Variants in RALGAPB observed in about 807,000 individuals in gnomAD.
RALGAPB encodes the protein Ral GTPase activating protein non-catalytic subunit beta.
In RALGAPB, 25 loss-of-function variants were observed where a neutral mutation model predicts 161.1. The observed-to-expected ratio is 0.16, with a 90% CI of 0.11 to 0.22. The LOEUF is 0.22. Among genes scored for constraint, RALGAPB ranks in the 10% least tolerant of loss-of-function variants. RALGAPB has a pLI of 1.00. For missense variants in RALGAPB, 1,391 were observed against 1,815.2 expected (o/e 0.77, Z 4.25); for synonymous variants, 629 against 626.1 (o/e 1.00, Z -0.07).
chr20:38,570,185 C>G (rs1420510789), intron 27 of RALGAPB, among the ~76,000 whole-genome samples, 189 bp downstream of exon 27: 1 of 152,156 alleles, frequency 6.6e-6, no homozygotes, highest in Non-Finnish European at 1.5e-5. Context: ...TCTGTTAAAT[C>G]CTGGTACTTT....
chr20:38,574,125 G>A, intron 28 of RALGAPB, 25 bp from the exon 29 acceptor site: 1 of 1,590,026 alleles, frequency 6.3e-7, no homozygotes, highest in Non-Finnish European at 8.6e-7. Flanking sequence ...TTGGGTGTCT[G>A]AGATAACAAT....
At chr20:38,569,204 G>A (rs2088131581) in intron 26 of RALGAPB, 1 of 152,204 alleles carries the variant, frequency 6.6e-6, no homozygotes, top group Non-Finnish European at 1.5e-5. Context: ...TCTTCCCTCT[G>A]TACACATGAG....
rs763901049 is a variant in RALGAPB, at chr20:38,531,247, G to A, written c.2115+16G>A. On this transcript the variant is annotated intron_variant, in intron 14 of 29. Coordinates refer to ENST00000262879, the MANE Select transcript of RALGAPB (RefSeq NM_020336.4). The stretch of plus-strand genomic sequence containing the variant: ...GATGGAGATGGTAAGAAGCATACAT[G>A]CAATCTGTCAGAGAATATCACTTTT... The A allele has an allele frequency of 1.8e-5, 28 of 1,568,460 alleles. No individual in the cohort carries two copies. The highest frequency in any genetic ancestry group is 1.5e-4 in the African/African-American group (11 of 73,800).
intron 6 of RALGAPB, among the ~76,000 whole-genome samples, chr20:38,510,662 G>A (rs1485424473): frequency 8.3e-6 from 1 of 120,142 alleles, no homozygotes; most frequent in Non-Finnish European, 1.5e-5. Context: ...TGTAATCCCA[G>A]CACTTTGGGA....
At chr20:38,475,961 G>T (rs1002425878) in intron 1 of RALGAPB, among the ~76,000 whole-genome samples, 1 of 152,090 alleles carries the variant, frequency 6.6e-6, no homozygotes, top group Non-Finnish European at 1.5e-5. Flanking sequence ...AATTTTCTTG[G>T]TTCCGTTTTG....
rs1169243582 is a variant in RALGAPB at position 38,525,397 on chromosome 20, T to G, written c.1788-7T>G. ...AAAAATACTAATAGCTTTTTATTTTTTGGCAGAGAACTCTCAAAATTCAAA... is the reference window on the plus strand; with the variant it reads ...AAAAATACTAATAGCTTTTTATTTTGTGGCAGAGAACTCTCAAAATTCAAA... On this transcript the variant is annotated splice_region_variant and splice_polypyrimidine_tract_variant and intron_variant, in intron 11 of 29. Transcript: ENST00000262879. 6.4e-7 allele frequency: 1 copy of G among 1,562,768 alleles called. No homozygotes were observed. The highest frequency in any genetic ancestry group is 1.9e-5 in the Admixed American group (1 of 52,828).
intron 1 of RALGAPB, among the ~76,000 whole-genome samples, chr20:38,479,113 C>CTACT (rs535110618): frequency 7.9e-4 from 120 of 152,304 alleles, no homozygotes; most frequent in East Asian, 6.0e-3. Flanking sequence ...ATATTGAATA[C>CTACT]TACTGTACCA....
At chr20:38,572,684 A>C (rs1393612824) in intron 28 of RALGAPB, among the ~76,000 whole-genome samples, 2 of 152,180 alleles carry the variant, frequency 1.3e-5, no homozygotes, top group Non-Finnish European at 2.9e-5. Context: ...CATTCTTAAA[A>C]CTTCCAGGTT....
intron 6 of RALGAPB, among the ~76,000 whole-genome samples, chr20:38,512,132 G>A (rs1464023019): frequency 6.6e-6 from 1 of 152,142 alleles, no homozygotes; most frequent in Non-Finnish European, 1.5e-5. Flanking sequence ...GTTTTGAAAA[G>A]CTAACTCTTT....
intron 3 of RALGAPB, among the ~76,000 whole-genome samples, chr20:38,494,178 C>G (rs1029925288): frequency 2.0e-5 from 3 of 152,196 alleles, no homozygotes; most frequent in African/African-American, 7.2e-5. Context: ...ATGTGTGTCT[C>G]CTTTCCCCAT....
chr20:38,575,056 A>G lies in RALGAPB; in HGVS notation c.*89A>G. On this transcript the variant is annotated 3_prime_UTR_variant, in exon 30 of 30. Transcript: ENST00000262879. ...ATAGGTGATCACTGTAAAAATAAAAACAAATCACTCCCAAGAGCTTACTGT... is the reference window on the plus strand; with the variant it reads ...ATAGGTGATCACTGTAAAAATAAAAGCAAATCACTCCCAAGAGCTTACTGT... 2.7e-6 allele frequency: 3 copies of G among 1,100,792 alleles called. No homozygotes were observed. The highest frequency in any genetic ancestry group is 4.1e-6 in the Non-Finnish European group (3 of 736,292). The allele number at this position is 1,100,792 out of a possible 1,614,324, so 68.2% of individuals were successfully genotyped here. A position where few individuals can be genotyped will look rare whatever the true frequency, so the allele number is the denominator to read the frequency against.
At chr20:38,518,570 A>AT (rs1313135059) in intron 9 of RALGAPB, among the ~76,000 whole-genome samples, 1 of 152,178 alleles carries the variant, frequency 6.6e-6, no homozygotes, top group Non-Finnish European at 1.5e-5. Flanking sequence ...CTTCATTTAG[A>AT]TTTTATTATA....
chr20:38,544,798 A>G (rs1262291624), intron 18 of RALGAPB, among the ~76,000 whole-genome samples: 1 of 152,092 alleles, frequency 6.6e-6, no homozygotes, highest in African/African-American at 2.4e-5. Context: ...TGATTTGATG[A>G]TCTTTAAACT....
At position 38,576,272 on chromosome 20, in the gene RALGAPB, A is replaced by T. The variant is rs1001918605; in HGVS notation, c.*1305A>T. 6.6e-6 allele frequency: 1 copy of T among 152,656 alleles called. No homozygotes were observed. The highest frequency in any genetic ancestry group is 2.4e-5 in the African/African-American group (1 of 41,454). 9.5% of individuals were successfully genotyped at this position (152,656 alleles called of 1,614,324 possible). A position where few individuals can be genotyped will look rare whatever the true frequency, so the allele number is the denominator to read the frequency against. On this transcript the variant is annotated 3_prime_UTR_variant, in exon 30 of 30. Coordinates refer to ENST00000262879, the MANE Select transcript of RALGAPB (RefSeq NM_020336.4). ...GAAAATAAGTGATATTTAAAGTCCA[A>T]AGAGGAATGATCACAGTTGTATAAG...
intron 1 of RALGAPB, among the ~76,000 whole-genome samples, chr20:38,476,238 A>T (rs1336074618): frequency 6.6e-6 from 1 of 152,224 alleles, no homozygotes; most frequent in Admixed American, 6.5e-5. Flanking sequence ...CTAGAAATGG[A>T]TTCTGTTTAA....
In RALGAPB at chr20:38,549,542, A is replaced by AT. The variant is rs1427837865; in HGVS notation, c.3009+747_3009+748insT. ...TCACACCCAGCCTAATTAAAAAAAA[A>AT]AAAAAAAATATATATATATATACAC... On this transcript the variant is annotated intron_variant, in intron 20 of 29. Coordinates refer to ENST00000262879, the MANE Select transcript of RALGAPB (RefSeq NM_020336.4). Among the ~76,000 whole-genome samples, 135 of 122,930 alleles carry AT rather than the reference A, an allele frequency of 1.1e-3. 1 individual carries two copies. The highest frequency in any genetic ancestry group is 3.7e-3 in the African/African-American group (128 of 34,212). 80.6% of individuals were successfully genotyped at this position (122,930 alleles called of 152,430 possible).
In RALGAPB at chr20:38,541,145, C is replaced by T; in HGVS notation, c.2667C>T (p.Asn889=). ...AGTACAAAGGAGATAAGGAGCCAAA[C>T]CCTGCATCTATGAGGGTAAAGGATG... is the stretch of plus-strand genomic sequence containing the variant. ...EVKYKGDKEP[N]PASMRVKDAA... Residue 889 remains asparagine, a synonymous_variant, in exon 18 of 30, where the codon AAC becomes AAT. Coordinates refer to ENST00000262879, the MANE Select transcript of RALGAPB (RefSeq NM_020336.4). The T allele has an allele frequency of 1.2e-6, 2 of 1,614,106 alleles. No homozygotes were observed. Among genetic ancestry groups the T allele is most frequent in the South Asian group, 2.2e-5 (2 of 91,070 alleles).
rs975651506 is a variant in RALGAPB, at chr20:38,538,501, A to C, written c.2380-1275A>C. 7.9e-5 allele frequency: 13 copies of C among 165,538 alleles called. No individual in the cohort carries two copies. In the South Asian group the frequency reaches 1.1e-3, roughly 14 times the overall value. The allele number at this position is 165,538 out of a possible 1,614,324, so 10.3% of individuals were successfully genotyped here. ...CTTGGCAGCTGGATCTGGAGTCTGG[A>C]TGTTGCCTTGTAAAGACCTTTAATA... On this transcript the variant is annotated intron_variant, in intron 16 of 29. Transcript: ENST00000262879.
Position 38,473,880 on chromosome 20 carries a change from A to G in RALGAPB, c.-31+811A>G, listed in dbSNP as rs1377893128. Among the ~76,000 whole-genome samples, 3 of 152,212 alleles carry G rather than the reference A, an allele frequency of 2.0e-5. No homozygotes were observed. In the East Asian group the frequency reaches 5.8e-4, roughly 29 times the overall value. On this transcript the variant is annotated intron_variant, in intron 1 of 29. Transcript: ENST00000262879. ...GCCCAAGTGATTCCAGCTTGCAGCAAAGTTTGGGAACCGCATGTAATTTGA... is the reference window on the plus strand; with the variant it reads ...GCCCAAGTGATTCCAGCTTGCAGCAGAGTTTGGGAACCGCATGTAATTTGA...
Sources: gnomAD v4.1 joint callset for allele counts (sites outside exome capture counted in the v4.1 genomes callset) on GRCh38, gnomAD v4.1.1 for gene constraint, MANE v1.5 for transcripts, NCBI Gene and HGNC (gene_info 2026-07-23, HGNC 2026-07-21) for gene names.